Variants in CXXC4 observed in about 807,000 individuals in gnomAD.
The protein encoded by CXXC4 is CXXC finger protein 4, also known as CXXC-type zinc finger protein 4.
A neutral mutation model predicts 20.5 loss-of-function variants in CXXC4; 5 were observed. The observed-to-expected ratio is 0.24, with a 90% CI of 0.13 to 0.51. The LOEUF (loss-of-function observed/expected upper bound fraction) is 0.51. Ranked by LOEUF, CXXC4 falls within the 20% of genes least tolerant of loss-of-function variation. CXXC4 has a pLI of 0.97. For synonymous variants in CXXC4, 250 were observed against 216.4 expected (o/e 1.16, Z -1.36); for missense variants, 419 against 496.4 (o/e 0.84, Z 1.48).
At position 104,491,155 on chromosome 4, in the gene CXXC4, C is replaced by G. The variant is rs1736840080; in HGVS notation, c.648G>C (p.Lys216Asn). 6.2e-7 allele frequency: 1 copy of G among 1,614,040 alleles called. No homozygotes were observed. ...CRPLAGECMN[K>N]LKCGAAEAEI... ...CTGCTTCAGCAGCGCCGCATTTGAG[C>G]TTGTTCATGCATTCCCCCGCCAAAG... Residue 216 changes from lysine to asparagine, a missense_variant, in exon 2 of 3, where the codon AAG (lysine) becomes AAC (asparagine). By Grantham distance (94) the Lys-to-Asn change is moderately conservative (BLOSUM62 0). This residue lies in a region of CXXC4 where 388 missense variants were observed against 416.0 expected (regional missense o/e 0.93). Coordinates refer to ENST00000394767, the MANE Select transcript of CXXC4 (RefSeq NM_025212.4).
chr4:104,485,944 C>A (rs777683818), intron 2 of CXXC4, among the ~76,000 whole-genome samples: 4 of 152,076 alleles, frequency 2.6e-5, no homozygotes, highest in East Asian at 3.9e-4. Flanking sequence ...ACTTGAAAAG[C>A]CACACGACTT....
At chr4:104,494,138 C>T (rs1391720314) in intron 1 of CXXC4, among the ~76,000 whole-genome samples, 1 of 152,076 alleles carries the variant, frequency 6.6e-6, no homozygotes, top group Non-Finnish European at 1.5e-5. Context: ...ATCTCTGGAG[C>T]ATGAAAAAGG....
At chr4:104,493,987 G>C (rs1414368932) in intron 1 of CXXC4, among the ~76,000 whole-genome samples, 1 of 152,216 alleles carries the variant, frequency 6.6e-6, no homozygotes, top group East Asian at 1.9e-4. Flanking sequence ...TAGAGTCTTA[G>C]AGTGGTGTTT....
At chr4:104,493,050 G>C (rs191108163) in intron 1 of CXXC4, among the ~76,000 whole-genome samples, 4 of 143,732 alleles carry the variant, frequency 2.8e-5, no homozygotes, top group African/African-American at 7.6e-5. Context: ...TGAGTAAAAG[G>C]GGGGGGGGCT....
At chr4:104,475,177 G>A (rs1736373471) in intron 2 of CXXC4, 1 of 152,090 alleles carries the variant, frequency 6.6e-6, no homozygotes, top group Non-Finnish European at 1.5e-5. Context: ...TTTATTGCAG[G>A]AGAAGTGAGA....
In CXXC4 at chr4:104,469,673, C is replaced by G. The variant is rs1436780033; in HGVS notation, c.*2649G>C. 1.3e-5 allele frequency: 2 copies of G among 151,890 alleles called. No homozygotes were observed. Among genetic ancestry groups the G allele is most frequent in the African/African-American group, 2.4e-5 (1 of 41,370 alleles). The allele number at this position is 151,890 out of a possible 1,614,324, so 9.4% of individuals were successfully genotyped here. ...AGGCCAGAAGAGTCATCTCTTTCTT[C>G]AACATCACCAATGAGAACTTTATAT... On this transcript the variant is annotated 3_prime_UTR_variant, in exon 3 of 3. Coordinates refer to ENST00000394767, the MANE Select transcript of CXXC4 (RefSeq NM_025212.4).
chr4:104,482,076 A>G (rs1390712315), intron 2 of CXXC4, among the ~76,000 whole-genome samples: 11 of 152,210 alleles, frequency 7.2e-5, no homozygotes. Flanking sequence ...CTTTAAGTGT[A>G]CATAACTGAA....
intron 2 of CXXC4, among the ~76,000 whole-genome samples, chr4:104,481,589 A>G (rs1489276509): frequency 6.6e-6 from 1 of 152,118 alleles, no homozygotes; most frequent in African/African-American, 2.4e-5. Context: ...AAGGACTAAG[A>G]CCCAGAGCTA....
At chr4:104,474,988 T>TG (rs1273035357) in intron 2 of CXXC4, 1 of 152,012 alleles carries the variant, frequency 6.6e-6, no homozygotes, top group Non-Finnish European at 1.5e-5. Flanking sequence ...GTCATTGTTG[T>TG]GGGAAAAAAA....
intron 2 of CXXC4, among the ~76,000 whole-genome samples, chr4:104,483,640 T>C (rs1169474780): frequency 6.6e-6 from 1 of 151,972 alleles, no homozygotes; most frequent in Non-Finnish European, 1.5e-5. Context: ...GTTCACTTTC[T>C]AATATTTGTT....
chr4:104,481,409 T>C (rs1736554941), intron 2 of CXXC4, among the ~76,000 whole-genome samples: 2 of 152,006 alleles, frequency 1.3e-5, no homozygotes, highest in Non-Finnish European at 2.9e-5. Context: ...GGCGTATGCC[T>C]GTAATTGCAG....
chr4:104,473,697 T>A (rs1270106506), intron 2 of CXXC4, among the ~76,000 whole-genome samples: 1 of 151,986 alleles, frequency 6.6e-6, no homozygotes, highest in African/African-American at 2.4e-5. Context: ...TATAAATTGA[T>A]GTGTTGAATG....
intron 2 of CXXC4, among the ~76,000 whole-genome samples, chr4:104,479,225 A>G (rs1311396595): frequency 2.6e-5 from 4 of 152,168 alleles, no homozygotes; most frequent in Non-Finnish European, 4.4e-5. Context: ...AGAGAAACAT[A>G]AATATTCATA....
intron 2 of CXXC4, among the ~76,000 whole-genome samples, chr4:104,489,972 T>G (rs1236242076): frequency 6.6e-6 from 1 of 152,214 alleles, no homozygotes; most frequent in African/African-American, 2.4e-5. Context: ...ATACTTTTTT[T>G]GTAACTGAGT....
chr4:104,482,144 C>A (rs991108958), intron 2 of CXXC4, among the ~76,000 whole-genome samples: 5 of 152,158 alleles, frequency 3.3e-5, no homozygotes, highest in African/African-American at 1.2e-4. Context: ...TATTTTTCTG[C>A]TCCATTTTAT....
chr4:104,475,207 T>C (rs1736373912), intron 2 of CXXC4: 1 of 152,132 alleles, frequency 6.6e-6, no homozygotes, highest in South Asian at 2.1e-4. Context: ...GGGAAGCCTC[T>C]TTTAAAAATT....
rs1736235339 is a variant in CXXC4 at position 104,470,325 on chromosome 4, C to T, written c.*1997G>A. ...TTTTAGCTTGTAATCATTTAATTCT[C>T]ATCTCTAAATATGGATGGGTGTAAC... On this transcript the variant is annotated 3_prime_UTR_variant, in exon 3 of 3. Coordinates refer to ENST00000394767, the MANE Select transcript of CXXC4 (RefSeq NM_025212.4). 6.6e-6 allele frequency: 1 copy of T among 151,978 alleles called. No homozygotes were observed. The highest frequency in any genetic ancestry group is 1.5e-5 in the Non-Finnish European group (1 of 67,970). 9.4% of individuals were successfully genotyped at this position (151,978 alleles called of 1,614,324 possible).
At position 104,472,348 on chromosome 4, in the gene CXXC4, C is replaced by A. The variant is rs763750056; in HGVS notation, c.1078G>T (p.Ala360Ser). Reference protein sequence around the residue: ...TSLERTPVPSAEAFRWFF With the variant: ...TSLERTPVPSSEAFRWFF ...TAAAAGAACCATCGGAATGCTTCAGCGCTGGGAACAGGTGTTCTCTATAAA... is the reference window on the plus strand; with the variant it reads ...TAAAAGAACCATCGGAATGCTTCAGAGCTGGGAACAGGTGTTCTCTATAAA... The change falls in exon 3 of 3, where the codon GCT (alanine) becomes TCT (serine). Residue 360 changes from alanine (A) to serine (S), a missense_variant. Physicochemically the swap from Ala to Ser is moderately conservative, Grantham distance 99 (BLOSUM62 1). This residue lies in a region of CXXC4 where 16 missense variants were observed against 17.4 expected (regional missense o/e 0.92). Transcript: ENST00000394767. 6.2e-7 allele frequency: 1 copy of A among 1,604,446 alleles called. No individual in the cohort carries two copies.
rs2110280905 is a variant in CXXC4 at position 104,491,599 on chromosome 4, G to A, written c.204C>T (p.Thr68=). The A allele has an allele frequency of 1.3e-6, 2 of 1,540,966 alleles. No individual in the cohort carries two copies. The highest frequency in any genetic ancestry group is 2.5e-5 in the East Asian group (1 of 39,740). ...PQAAKIARIT[T]PIFPSSAAAA... is the part of the protein sequence containing the mutation. The stretch of plus-strand genomic sequence containing the variant: ...CGGCGGCGCTGCTGGGGAAGATGGG[G>A]GTGGTGATGCGCGCGATCTTGGCCG... Residue 68 remains threonine (T), a synonymous_variant, in exon 2 of 3, where the codon ACC becomes ACT. Transcript: ENST00000394767.
Sources: gnomAD v4.1 joint callset for allele counts (sites outside exome capture counted in the v4.1 genomes callset) on GRCh38, gnomAD v4.1.1 for gene constraint, gnomAD v4.1.1 regional missense constraint, MANE v1.5 for transcripts, NCBI Gene and HGNC (gene_info 2026-07-23, HGNC 2026-07-21) for gene names.